Variants in AGBL4 observed in about 807,000 individuals in gnomAD.
AGBL4 encodes AGBL carboxypeptidase 4.
In AGBL4, 58 loss-of-function variants were observed where a neutral mutation model predicts 66.4. The ratio of observed to expected loss-of-function variants is 0.87; its 90% CI spans 0.71 to 1.09. AGBL4 has a LOEUF of 1.09. AGBL4 is among the 50% of genes least tolerant of loss of function. The pLI is 0.00. For missense variants in AGBL4, 579 were observed against 631.0 expected, an observed-to-expected ratio of 0.92 and a Z score of 0.88; for synonymous variants, 234 against 222.9, an observed-to-expected ratio of 1.05 and a Z score of -0.44.
At chr1:49,556,110 C>G (rs1405229351) in intron 3 of AGBL4, among the ~76,000 whole-genome samples, 1 of 152,140 alleles carries the variant, frequency 6.6e-6, no homozygotes, top group Non-Finnish European at 1.5e-5. Flanking sequence ...CTCACAATAA[C>G]AAAGACTTGG....
At chr1:49,604,309 G>T (rs900126763) in intron 3 of AGBL4, among the ~76,000 whole-genome samples, 3 of 152,100 alleles carry the variant, frequency 2.0e-5, no homozygotes, top group African/African-American at 4.8e-5. Flanking sequence ...GTTTTAATTT[G>T]CATTTTCCTA....
chr1:49,503,575 T>C (rs1239345395), intron 3 of AGBL4, among the ~76,000 whole-genome samples: 1 of 152,126 alleles, frequency 6.6e-6, no homozygotes, highest in Admixed American at 6.5e-5. Context: ...TGCTGTACCC[T>C]GCAAAGCCAC....
At chr1:49,874,086 C>A (rs1646908657) in intron 1 of AGBL4, among the ~76,000 whole-genome samples, 1 of 152,000 alleles carries the variant, frequency 6.6e-6, no homozygotes, top group South Asian at 2.1e-4. Flanking sequence ...GCAGCTCCAA[C>A]AAAGCTGCAA....
At chr1:49,284,593 T>C (rs1644360734) in intron 3 of AGBL4, among the ~76,000 whole-genome samples, 1 of 152,180 alleles carries the variant, frequency 6.6e-6, no homozygotes. Flanking sequence ...GGATAAAGAC[T>C]CAAGATCCAT....
Position 49,629,681 on chromosome 1 carries a change from C to G in AGBL4, c.282+67632G>C, listed in dbSNP as rs945197167. Among the ~76,000 whole-genome samples, 5 of 152,258 alleles carry G rather than the reference C, an allele frequency of 3.3e-5. No homozygotes were observed. The East Asian group carries it at 5.8e-4, about 18-fold the overall frequency. ...GCTTTGTCAATAGTACTTGAACTGTCTCATTATTCCCTGTTCCTCAGTGTA... is the reference window on the plus strand; with the variant it reads ...GCTTTGTCAATAGTACTTGAACTGTGTCATTATTCCCTGTTCCTCAGTGTA... On this transcript the variant is annotated intron_variant, in intron 3 of 13. Coordinates refer to ENST00000371839, the MANE Select transcript of AGBL4 (RefSeq NM_032785.4).
rs140058798 is a variant in AGBL4 at position 48,702,230 on chromosome 1, C to T, written c.635-38989G>A. Reference sequence around the variant, plus strand: ...TGAGCCAGCCAGAGCCTGAGTCCTGCACTGCCCTCCCTCTCCCTGGCCCTA... The same window carrying T: ...TGAGCCAGCCAGAGCCTGAGTCCTGTACTGCCCTCCCTCTCCCTGGCCCTA... On this transcript the variant is annotated intron_variant, in intron 6 of 13. Transcript: ENST00000371839. Among the ~76,000 whole-genome samples the T allele has an allele frequency of 4.5e-4, 68 of 152,248 alleles. No homozygotes were observed. In the South Asian group the frequency reaches 0.011, roughly 25 times the overall value.
intron 3 of AGBL4, among the ~76,000 whole-genome samples, chr1:49,510,268 T>C (rs531237272): frequency 1.3e-5 from 2 of 151,928 alleles, no homozygotes; most frequent in African/African-American, 4.8e-5. Context: ...TTTTAATGAT[T>C]GCCATTCTAA....
At chr1:49,059,515 C>T (rs1258297905) in intron 4 of AGBL4, among the ~76,000 whole-genome samples, 6 of 152,200 alleles carry the variant, frequency 3.9e-5, no homozygotes, top group African/African-American at 1.4e-4. Context: ...GGGGTTGGAG[C>T]CCCTACACAG....
chr1:49,370,803 A>G (rs1644325822), intron 3 of AGBL4, among the ~76,000 whole-genome samples: 2 of 152,150 alleles, frequency 1.3e-5, no homozygotes, highest in South Asian at 2.1e-4. Context: ...TCTATTTTCA[A>G]TACCTTCAAA....
chr1:48,901,618 A>G (rs957778082), intron 5 of AGBL4, among the ~76,000 whole-genome samples: 1 of 152,354 alleles, frequency 6.6e-6, no homozygotes, highest in African/African-American at 2.4e-5. Context: ...CCTGACAAAA[A>G]GCATACATAT....
chr1:48,620,685 C>T (rs1401572065), intron 9 of AGBL4, among the ~76,000 whole-genome samples: 3 of 152,100 alleles, frequency 2.0e-5, no homozygotes, highest in Admixed American at 2.0e-4. Context: ...TCAGAAGATT[C>T]CTTTGTGAAA....
intron 3 of AGBL4, among the ~76,000 whole-genome samples, chr1:49,414,683 T>G (rs1399562283): frequency 1.3e-5 from 2 of 152,100 alleles, no homozygotes; most frequent in African/African-American, 4.8e-5. Context: ...ATGAAGAATG[T>G]AGGGGGAAAG....
chr1:49,276,572 C>A (rs778072170), intron 3 of AGBL4, among the ~76,000 whole-genome samples: 1 of 152,154 alleles, frequency 6.6e-6, no homozygotes, highest in Non-Finnish European at 1.5e-5. Flanking sequence ...TTGCCCAGAT[C>A]TAGAAACATT....
At chr1:49,614,804 T>C (rs911911991) in intron 3 of AGBL4, among the ~76,000 whole-genome samples, 1 of 152,206 alleles carries the variant, frequency 6.6e-6, no homozygotes, top group Non-Finnish European at 1.5e-5. Flanking sequence ...ACTCCCATCT[T>C]TGCATACCTC....
intron 6 of AGBL4, among the ~76,000 whole-genome samples, chr1:48,816,888 G>C (rs1399956633): frequency 4.6e-5 from 7 of 152,288 alleles, no homozygotes; most frequent in African/African-American, 1.4e-4. Context: ...AAGCACAGAA[G>C]ATATACCTAC....
intron 3 of AGBL4, chr1:49,422,957 C>A (rs1645576474): frequency 6.6e-6 from 1 of 152,200 alleles, no homozygotes; most frequent in Admixed American, 6.5e-5. Context: ...TCTCAGTCTT[C>A]CCTGCAGTTA....
At chr1:48,865,437 T>C (rs1320418197) in intron 6 of AGBL4, among the ~76,000 whole-genome samples, 1 of 152,116 alleles carries the variant, frequency 6.6e-6, no homozygotes, top group Non-Finnish European at 1.5e-5. Context: ...GTATAGCCCA[T>C]TTGCAATACA....
intron 6 of AGBL4, among the ~76,000 whole-genome samples, chr1:48,701,052 A>C (rs320037): frequency 0.97 from 147,612 of 152,242 alleles, 71,702 homozygotes; most frequent in East Asian, 1. Context: ...TGTTTGCACT[A>C]ATGCCCAAGC....
chr1:49,869,414 A>G (rs776199557), intron 1 of AGBL4, among the ~76,000 whole-genome samples: 1 of 152,232 alleles, frequency 6.6e-6, no homozygotes, highest in Non-Finnish European at 1.5e-5. Context: ...CTATGCAGCC[A>G]TAAAAAGGAA....
Sources: gnomAD v4.1 joint callset for allele counts (sites outside exome capture counted in the v4.1 genomes callset) on GRCh38, gnomAD v4.1.1 for gene constraint, MANE v1.5 for transcripts, NCBI Gene and HGNC (gene_info 2026-07-23, HGNC 2026-07-21) for gene names.